The following TMEM117 variants were observed in gnomAD, a reference collection of about 807,000 sequenced individuals.
TMEM117 encodes the protein transmembrane protein 117.
Under a neutral mutation model 52.4 loss-of-function variants are expected in TMEM117, and 27 were observed. The ratio of observed to expected loss-of-function variants is 0.51; its 90% CI spans 0.38 to 0.71. The LOEUF (loss-of-function observed/expected upper bound fraction) is 0.71. TMEM117 is among the 30% of genes least tolerant of loss of function. The pLI, the probability that TMEM117 is intolerant of heterozygous loss-of-function variation, is 0.00. For synonymous variants in TMEM117, 215 were observed against 206.3 expected (o/e 1.04, Z -0.36); for missense variants, 556 against 630.5 (o/e 0.88, Z 1.26).
intron 3 of TMEM117, among the ~76,000 whole-genome samples, chr12:44,075,849 AG>A (rs1205659274): frequency 1.3e-5 from 2 of 152,186 alleles, no homozygotes; most frequent in Admixed American, 1.3e-4. Context: ...GTGGCCAGGT[AG>A]TATCATATGA....
At chr12:44,251,981 A>G (rs1950201492) in intron 5 of TMEM117, among the ~76,000 whole-genome samples, 1 of 152,178 alleles carries the variant, frequency 6.6e-6, no homozygotes, top group African/African-American at 2.4e-5. Flanking sequence ...AAAAGAAAAA[A>G]ATTGCGTACT....
At chr12:44,306,153 C>T (rs111626969) in intron 6 of TMEM117, among the ~76,000 whole-genome samples, 1,945 of 152,088 alleles carry the variant, frequency 0.013, 46 homozygotes, top group African/African-American at 0.045. Context: ...GGGAATGGAC[C>T]GAAAAACTAC....
intron 4 of TMEM117, among the ~76,000 whole-genome samples, chr12:44,152,755 A>G (rs1223264988): frequency 7.2e-6 from 1 of 138,668 alleles, no homozygotes; most frequent in Non-Finnish European, 1.5e-5. Flanking sequence ...TTATATTTAT[A>G]ATGTATATAA....
intron 6 of TMEM117, among the ~76,000 whole-genome samples, chr12:44,316,778 AT>A (rs1294033638): frequency 6.6e-6 from 1 of 151,682 alleles, no homozygotes; most frequent in Non-Finnish European, 1.5e-5. Flanking sequence ...GTTCATTAAA[AT>A]TTTTTTTCTT....
chr12:44,234,524 A>G (rs564312263), intron 5 of TMEM117, among the ~76,000 whole-genome samples: 1 of 151,208 alleles, frequency 6.6e-6, no homozygotes, highest in South Asian at 2.1e-4. Context: ...TTTCAAATTA[A>G]TTATTCATTT....
At chr12:44,345,376 A>G (rs1689581175) in intron 6 of TMEM117, among the ~76,000 whole-genome samples, 1 of 152,116 alleles carries the variant, frequency 6.6e-6, no homozygotes, top group Non-Finnish European at 1.5e-5. Context: ...TTTCAGTCTG[A>G]CACAGATTCA....
At chr12:44,064,502 T>C (rs988035047) in intron 3 of TMEM117, among the ~76,000 whole-genome samples, 6 of 152,168 alleles carry the variant, frequency 3.9e-5, no homozygotes, top group African/African-American at 1.4e-4. Context: ...AGGTGGCTCT[T>C]TGAAGGAGTG....
intron 3 of TMEM117, among the ~76,000 whole-genome samples, chr12:44,044,035 T>C (rs1040261133): frequency 1.3e-4 from 20 of 152,138 alleles, no homozygotes; most frequent in Non-Finnish European, 5.9e-5. Flanking sequence ...TGTTTTAATG[T>C]AGAGGAAGGA....
chr12:44,179,877 A>G (rs910697496), intron 4 of TMEM117, among the ~76,000 whole-genome samples: 1 of 152,214 alleles, frequency 6.6e-6, no homozygotes, highest in African/African-American at 2.4e-5. Context: ...TATAACAACA[A>G]TTCATTGTGG....
the TMEM117 span, among the ~76,000 whole-genome samples, chr12:44,395,350 A>G: frequency 6.6e-6 from 1 of 152,168 alleles, no homozygotes; most frequent in Non-Finnish European, 1.5e-5. Flanking sequence ...CCCCATCATT[A>G]TCACTACTGC....
chr12:43,952,905 T>A (rs1565766613), intron 3 of TMEM117, among the ~76,000 whole-genome samples: 1 of 151,752 alleles, frequency 6.6e-6, no homozygotes, highest in Non-Finnish European at 1.5e-5. Flanking sequence ...AAAAGCCAGG[T>A]CACCAACAAA....
chr12:43,881,305 G>T (rs769489577), intron 2 of TMEM117, among the ~76,000 whole-genome samples: 1 of 152,180 alleles, frequency 6.6e-6, no homozygotes, highest in African/African-American at 2.4e-5. Context: ...GATATTTAGA[G>T]AAAAGCATTT....
At chr12:44,039,556 T>G (rs1055416599) in intron 3 of TMEM117, among the ~76,000 whole-genome samples, 1 of 151,964 alleles carries the variant, frequency 6.6e-6, no homozygotes, top group Admixed American at 6.6e-5. Context: ...AATCCATGTA[T>G]AGATAAATTT....
intron 2 of TMEM117, among the ~76,000 whole-genome samples, chr12:43,868,896 A>G (rs1943656698): frequency 3.7e-5 from 1 of 27,276 alleles, no homozygotes; most frequent in African/African-American, 4.2e-5. Context: ...AGAGAAAATT[A>G]ATAAATCCAC....
chr12:44,258,735 A>C (rs938620926), intron 5 of TMEM117, among the ~76,000 whole-genome samples: 2 of 152,162 alleles, frequency 1.3e-5, no homozygotes, highest in Admixed American at 1.3e-4. Flanking sequence ...CTTGAGAATC[A>C]CATATAAACT....
chr12:44,152,141 T>A (rs1430665351), intron 4 of TMEM117, among the ~76,000 whole-genome samples: 2 of 112,024 alleles, frequency 1.8e-5, no homozygotes, highest in Non-Finnish European at 3.2e-5. Context: ...TTTATATTAT[T>A]TATATATTTA....
the TMEM117 span, among the ~76,000 whole-genome samples, chr12:43,812,938 C>T: frequency 6.6e-6 from 1 of 150,984 alleles, no homozygotes; most frequent in African/African-American, 2.4e-5. Context: ...CCCAGGAGTT[C>T]AAGGCTGCAG....
intron 5 of TMEM117, among the ~76,000 whole-genome samples, chr12:44,281,047 C>T (rs1283996797): frequency 6.6e-6 from 1 of 152,118 alleles, no homozygotes; most frequent in Non-Finnish European, 1.5e-5. Flanking sequence ...AATAAGTCAG[C>T]ATCTTCACAA....
At chr12:44,135,261 T>C (rs1234063827) in intron 3 of TMEM117, among the ~76,000 whole-genome samples, 1 of 152,120 alleles carries the variant, frequency 6.6e-6, no homozygotes, top group Non-Finnish European at 1.5e-5. Flanking sequence ...CAGGAATAAA[T>C]TACTAGAAAA....
Sources: gnomAD v4.1 joint callset for allele counts (sites outside exome capture counted in the v4.1 genomes callset) on GRCh38, gnomAD v4.1.1 for gene constraint, MANE v1.5 for transcripts, NCBI Gene and HGNC (gene_info 2026-07-23, HGNC 2026-07-21) for gene names.